Variants in DAB1 observed in about 807,000 individuals in gnomAD.
The protein encoded by DAB1 is DAB adaptor protein 1.
DAB1 carries 15 observed loss-of-function variants against 64.6 expected under a neutral mutation model. The ratio of observed to expected loss-of-function variants is 0.23; its 90% CI spans 0.16 to 0.36. DAB1 has a LOEUF of 0.36. Among genes scored for constraint, DAB1 ranks in the 10% least tolerant of loss-of-function variants. The probability of loss-of-function intolerance (pLI) is 1.00; values close to 1 mark genes in which losing one functional copy is unlikely to be tolerated. For synonymous variants in DAB1, 235 were observed against 251.9 expected, an observed-to-expected ratio of 0.93 and a Z score of 0.64; for missense variants, 596 against 706.7, an observed-to-expected ratio of 0.84 and a Z score of 1.78.
At chr1:57,716,527 C>T (rs528050945) in intron 6 of DAB1, among the ~76,000 whole-genome samples, 105 of 152,272 alleles carry the variant, frequency 6.9e-4, no homozygotes, top group Non-Finnish European at 1.1e-3. Flanking sequence ...GAAAACTAGA[C>T]ATCCACATGC....
intron 4 of DAB1, among the ~76,000 whole-genome samples, chr1:58,333,375 C>T (rs2100497081): frequency 6.6e-6 from 1 of 152,268 alleles, no homozygotes; most frequent in East Asian, 1.9e-4. Context: ...AAAAATTCCT[C>T]TATTCCCAGA....
intron 5 of DAB1, among the ~76,000 whole-genome samples, chr1:57,918,619 T>C (rs143070950): frequency 1.9e-3 from 286 of 152,204 alleles, no homozygotes; most frequent in African/African-American, 6.6e-3. Context: ...AGTCAGGAGA[T>C]ACAGACCATC....
chr1:57,205,429 C>T (rs945233579), intron 2 of DAB1, among the ~76,000 whole-genome samples: 3 of 152,146 alleles, frequency 2.0e-5, no homozygotes, highest in Non-Finnish European at 4.4e-5. Context: ...GAAAGGTTCT[C>T]GGCACCAGAG....
intron 4 of DAB1, among the ~76,000 whole-genome samples, chr1:58,208,657 T>C (rs993353289): frequency 6.6e-6 from 1 of 152,202 alleles, no homozygotes; most frequent in Non-Finnish European, 1.5e-5. Flanking sequence ...TATTCTGGTA[T>C]ATACATACCA....
intron 5 of DAB1, among the ~76,000 whole-genome samples, chr1:57,991,278 C>T (rs1174363921): frequency 6.6e-6 from 1 of 152,188 alleles, no homozygotes; most frequent in Admixed American, 6.5e-5. Flanking sequence ...TACTGACAAT[C>T]AGTAACTTTT....
intron 7 of DAB1, among the ~76,000 whole-genome samples, chr1:57,430,472 T>C (rs1570510447): frequency 6.6e-6 from 1 of 150,688 alleles, no homozygotes; most frequent in Non-Finnish European, 1.5e-5. Flanking sequence ...GCCTCCCGGG[T>C]TCACGCCATT....
intron 5 of DAB1, among the ~76,000 whole-genome samples, chr1:57,979,385 AG>A (rs1203683647): frequency 6.6e-6 from 1 of 151,232 alleles, no homozygotes; most frequent in Non-Finnish European, 1.5e-5. Flanking sequence ...GGACATAGGG[AG>A]GGGAACATCA....
At chr1:58,157,544 T>G (rs28488330) in intron 4 of DAB1, among the ~76,000 whole-genome samples, 5 of 152,106 alleles carry the variant, frequency 3.3e-5, no homozygotes, top group Admixed American at 3.3e-4. Flanking sequence ...CCAAGAGGCA[T>G]GGGAACAGGC....
chr1:58,523,685 G>A (rs1646303373), intron 2 of DAB1, among the ~76,000 whole-genome samples: 1 of 152,142 alleles, frequency 6.6e-6, no homozygotes, highest in Non-Finnish European at 1.5e-5. Flanking sequence ...GGATCACGAG[G>A]TCAGGAGATC....
chr1:58,211,693 C>G (rs1046639194), intron 4 of DAB1, among the ~76,000 whole-genome samples: 3 of 152,158 alleles, frequency 2.0e-5, no homozygotes, highest in African/African-American at 7.2e-5. Flanking sequence ...TCTCCTGTAT[C>G]TCTAATTCTG....
chr1:57,176,383 C>G (rs1035342147), intron 2 of DAB1, among the ~76,000 whole-genome samples: 1 of 151,994 alleles, frequency 6.6e-6, no homozygotes, highest in Non-Finnish European at 1.5e-5. Flanking sequence ...GGGAAACCCC[C>G]GTTTTTAAAA....
intron 7 of DAB1, among the ~76,000 whole-genome samples, chr1:57,583,599 A>T (rs1343272234): frequency 6.6e-6 from 1 of 152,122 alleles, no homozygotes; most frequent in Non-Finnish European, 1.5e-5. Context: ...TTCCTCTTAC[A>T]TTAAATGATG....
chr1:57,468,743 C>G (rs916624598), intron 7 of DAB1, among the ~76,000 whole-genome samples: 6 of 152,130 alleles, frequency 3.9e-5, no homozygotes, highest in Non-Finnish European at 5.9e-5. Flanking sequence ...TTCAAACAAG[C>G]CAGAACATTT....
At chr1:58,262,706 A>G (rs756794159) in intron 4 of DAB1, among the ~76,000 whole-genome samples, 2 of 152,212 alleles carry the variant, frequency 1.3e-5, no homozygotes, top group Non-Finnish European at 2.9e-5. Context: ...TGAGTATTTG[A>G]TTTTCTCATT....
At position 57,608,335 on chromosome 1, in the gene DAB1, G is replaced by A. The variant is rs1041503509; in HGVS notation, n.625+41257C>T. ...GACAATCTATGATTTTCTCTCCCAT[G>A]TGTAAATTTATATCTGTTCTCTGGT... On this transcript the variant is annotated intron_variant and non_coding_transcript_variant, in intron 7 of 20. Transcript: ENST00000485760. Among the ~76,000 whole-genome samples, 10 of 152,140 alleles carry A rather than the reference G, an allele frequency of 6.6e-5. No homozygotes were observed. In the East Asian group the frequency reaches 1.7e-3, roughly 26 times the overall value.
chr1:57,808,807 T>C (rs932391005), intron 6 of DAB1, among the ~76,000 whole-genome samples: 2 of 152,188 alleles, frequency 1.3e-5, no homozygotes, highest in African/African-American at 2.4e-5. Flanking sequence ...AAAGAAGTCA[T>C]AGAATCACTT....
intron 4 of DAB1, among the ~76,000 whole-genome samples, chr1:58,242,700 G>C (rs1570531197): frequency 1.3e-5 from 2 of 152,068 alleles, no homozygotes; most frequent in African/African-American, 4.8e-5. Flanking sequence ...TCATTATTGA[G>C]TGAAGTCAAC....
At chr1:58,212,691 G>A (rs1005109302) in intron 4 of DAB1, among the ~76,000 whole-genome samples, 41 of 152,252 alleles carry the variant, frequency 2.7e-4, no homozygotes, top group African/African-American at 9.9e-4. Context: ...ACTTAATGGA[G>A]TATTCAGCAC....
At chr1:57,825,059 A>G (rs1652284904), downstream of DAB1, among the ~76,000 whole-genome samples, 2 of 152,192 alleles carry the variant, frequency 1.3e-5, no homozygotes, top group South Asian at 4.1e-4. Flanking sequence ...AAGCCACTTC[A>G]TATCCTAGGT....
Sources: allele counts gnomAD v4.1 joint callset (sites outside exome capture counted in the v4.1 genomes callset), GRCh38; gene constraint gnomAD v4.1.1; transcripts MANE v1.5; gene names NCBI Gene and HGNC (gene_info 2026-07-23, HGNC 2026-07-21).